Variants in APCDD1 observed in about 807,000 individuals in gnomAD.
APCDD1 encodes the protein APC down-regulated 1.
Under a neutral mutation model 38.1 loss-of-function variants are expected in APCDD1, and 15 were observed. That is an observed-to-expected ratio of 0.39 (90% CI 0.26 to 0.61). The LOEUF (loss-of-function observed/expected upper bound fraction) is 0.61. Among genes scored for constraint, APCDD1 ranks in the 20% least tolerant of loss-of-function variants. The probability of loss-of-function intolerance (pLI) is 0.49; values close to 1 mark genes in which losing one functional copy is unlikely to be tolerated. For synonymous variants in APCDD1, 261 were observed against 279.7 expected (o/e 0.93, Z 0.67); for missense variants, 647 against 696.2 (o/e 0.93, Z 0.79).
In APCDD1 at chr18:10,471,562, C is replaced by G. The variant is rs778044009; in HGVS notation, c.275C>G (p.Thr92Arg). Residue 92 changes from threonine (T) to arginine (R), a missense_variant, in exon 3 of 5, where the codon ACA becomes AGA. Coordinates refer to ENST00000355285, the MANE Select transcript of APCDD1 (RefSeq NM_153000.5). The surrounding 1 kb of genome is among the most constrained non-coding windows in gnomAD (Gnocchi z 5.5). Reference sequence around the variant, plus strand: ...GTAAGGTCAGGCCCAGAGTTCATCACAAGGTCCTACAGATTCTACCACAAT... The same window carrying G: ...GTAAGGTCAGGCCCAGAGTTCATCAGAAGGTCCTACAGATTCTACCACAAT... The part of the protein sequence containing the change: ...CEVRSGPEFI[T>R]RSYRFYHNNT... The G allele has an allele frequency of 3.1e-6, 5 of 1,614,106 alleles. No individual in the cohort carries two copies. The highest frequency in any genetic ancestry group is 4.2e-6 in the Non-Finnish European group (5 of 1,180,052).
Position 10,475,205 on chromosome 18 carries a change from A to G in APCDD1, c.774+3144A>G, listed in dbSNP as rs902912430. The stretch of plus-strand genomic sequence containing the variant: ...AAATGACAATGTCGACTGACCAGGG[A>G]ACATCAAAGTGTTTCATGATGCCTA... On this transcript the variant is annotated intron_variant, in intron 3 of 4. Transcript: ENST00000355285. This position sits in a 1 kb window ranked among gnomAD's most constrained non-coding sequence, Gnocchi z 4.0. Among the ~76,000 whole-genome samples the G allele has an allele frequency of 6.6e-6, 1 of 152,208 alleles. No individual in the cohort carries two copies. Among genetic ancestry groups the G allele is most frequent in the African/African-American group, 2.4e-5 (1 of 41,452 alleles).
intron 1 of APCDD1, among the ~76,000 whole-genome samples, chr18:10,462,591 CTCCT>C (rs565458903): frequency 0.059 from 1,357 of 23,172 alleles, 21 homozygotes; most frequent in African/African-American, 0.088. Context: ...CCTTCCCTCC[CTCCT>C]TCCTTCCTTC....
chr18:10,473,892 T>A (rs2030924856), intron 3 of APCDD1, among the ~76,000 whole-genome samples: 1 of 150,286 alleles, frequency 6.7e-6, no homozygotes, highest in Admixed American at 6.6e-5. Flanking sequence ...TACCTTTGGC[T>A]CGCTCTGAGT....
At chr18:10,464,193 C>T (rs1015232011) in intron 1 of APCDD1, among the ~76,000 whole-genome samples, 1 of 151,986 alleles carries the variant, frequency 6.6e-6, no homozygotes, top group Non-Finnish European at 1.5e-5. Flanking sequence ...AAATGCTAAC[C>T]ACCACTCCCT....
In APCDD1 at chr18:10,471,880, G is replaced by T; in HGVS notation, c.593G>T (p.Cys198Phe). ...TGGCGAGAGGAGAACGGCTGTGAGT[G>T]CACCAAGGCCGTGAACTTTGCCATG... Reference protein sequence around the residue: ...DLWREENGCECTKAVNFAMHE... With the variant: ...DLWREENGCEFTKAVNFAMHE... The change falls in exon 3 of 5, where the codon TGC becomes TTC. Residue 198 changes from cysteine to phenylalanine, a missense_variant. Cys to Phe is a radical substitution (Grantham distance 205). Transcript: ENST00000355285. The surrounding 1 kb of genome is among the most constrained non-coding windows in gnomAD (Gnocchi z 5.5). 6.2e-7 allele frequency: 1 copy of T among 1,614,194 alleles called. No homozygotes were observed. The highest frequency in any genetic ancestry group is 8.5e-7 in the Non-Finnish European group (1 of 1,180,044).
chr18:10,478,216 T>C (rs2031051956), intron 3 of APCDD1, among the ~76,000 whole-genome samples: 1 of 152,220 alleles, frequency 6.6e-6, no homozygotes, highest in South Asian at 2.1e-4. Context: ...CCAGGCCCCT[T>C]CCTGGACAGT....
Position 10,485,415 on chromosome 18 carries a change from C to T in APCDD1, c.775-47C>T. ...TGCCGGAAGCATGTGTGCACTGCTCCCTTGGGAAGATAGAGGCCTCTGAAT... is the reference window on the plus strand; with the variant it reads ...TGCCGGAAGCATGTGTGCACTGCTCTCTTGGGAAGATAGAGGCCTCTGAAT... On this transcript the variant is annotated intron_variant, in intron 3 of 4. Transcript: ENST00000355285. This position sits in a 1 kb window ranked among gnomAD's most constrained non-coding sequence, Gnocchi z 5.8. 6.2e-7 allele frequency: 1 copy of T among 1,606,802 alleles called. No homozygotes were observed. Among genetic ancestry groups the T allele is most frequent in the African/African-American group, 1.3e-5 (1 of 74,964 alleles).
rs593078 is a variant in APCDD1, at chr18:10,489,016, A to G, written c.*978A>G. 72,371 of 152,192 alleles carry G rather than the reference A, an allele frequency of 0.48. 17,782 individuals carry two copies. Among genetic ancestry groups the G allele is most frequent in the East Asian group, 0.65 (3,379 of 5,174 alleles). The allele number at this position is 152,192 out of a possible 1,614,324, so 9.4% of individuals were successfully genotyped here. ...ATGCCACCTTCTAAGATGAACATGC[A>G]GAGACAGAACTTCAGCTGCTCAGAG... On this transcript the variant is annotated 3_prime_UTR_variant, in exon 5 of 5. Transcript: ENST00000355285.
chr18:10,487,604 G>A lies in APCDD1; in HGVS notation c.1111G>A (p.Val371Ile). 2 of 1,614,080 alleles carry A rather than the reference G, an allele frequency of 1.2e-6. No individual in the cohort carries two copies. The highest frequency in any genetic ancestry group is 1.7e-6 in the Non-Finnish European group (2 of 1,180,052). ...EFVFKVNHMK[V>I]TPMDAATASL... ...CTCCTTTGCAGTGAATCACATGAAG[G>A]TCACCCCCATGGATGCGGCCACAGC... is the stretch of plus-strand genomic sequence containing the variant. Residue 371 changes from valine to isoleucine, a missense_variant, in exon 5 of 5, where the codon GTC (valine) becomes ATC (isoleucine). Transcript: ENST00000355285.
intron 1 of APCDD1, among the ~76,000 whole-genome samples, chr18:10,465,727 CAG>C (rs1481165548): frequency 6.6e-6 from 1 of 152,192 alleles, no homozygotes; most frequent in Non-Finnish European, 1.5e-5. Flanking sequence ...ACAGAAATGT[CAG>C]TGCCATCGGA....
At chr18:10,457,845 T>C (rs1341451488) in intron 1 of APCDD1, among the ~76,000 whole-genome samples, 1 of 152,190 alleles carries the variant, frequency 6.6e-6, no homozygotes, top group East Asian at 1.9e-4. Context: ...TGGCAAGACT[T>C]GAGCCTGTTG....
At chr18:10,463,617 G>T (rs867485139) in intron 1 of APCDD1, among the ~76,000 whole-genome samples, 2 of 152,176 alleles carry the variant, frequency 1.3e-5, no homozygotes, top group Non-Finnish European at 2.9e-5. Flanking sequence ...TTTAACAGAA[G>T]TAGTACTCAC....
chr18:10,484,953 G>T (rs192009302), intron 3 of APCDD1, among the ~76,000 whole-genome samples: 1 of 152,228 alleles, frequency 6.6e-6, no homozygotes, highest in East Asian at 1.9e-4. Context: ...GAGATTGCTG[G>T]GTCATATGGT....
At position 10,487,822 on chromosome 18, in the gene APCDD1, C is replaced by A. The variant is rs551321118; in HGVS notation, c.1329C>A (p.Pro443=). The change falls in exon 5 of 5, where the codon CCC becomes CCA. Residue 443 remains proline (P), a synonymous_variant. Transcript: ENST00000355285. ...ATCTGCTGTTCAACGGTCAGAGGCC[C>A]AGCGACGGGTCCAGCCCAGACAGGC... is the stretch of plus-strand genomic sequence containing the variant. ...GRYLLFNGQR[P]SDGSSPDRPE... 6.2e-6 allele frequency: 10 copies of A among 1,614,068 alleles called. No individual in the cohort carries two copies. Among genetic ancestry groups the A allele is most frequent in the Admixed American group, 5.0e-5 (3 of 60,028 alleles).
At position 10,475,080 on chromosome 18, in the gene APCDD1, A is replaced by G. The variant is rs938239840; in HGVS notation, c.774+3019A>G. On this transcript the variant is annotated intron_variant, in intron 3 of 4. Coordinates refer to ENST00000355285, the MANE Select transcript of APCDD1 (RefSeq NM_153000.5). This position sits in a 1 kb window ranked among gnomAD's most constrained non-coding sequence, Gnocchi z 4.0. ...ATAAGAATCAATAGGGTTAATGTGC[A>G]GAATCCTGTGGGCATCAGGATAGGG... Among the ~76,000 whole-genome samples, 2 of 152,220 alleles carry G rather than the reference A, an allele frequency of 1.3e-5. No individual in the cohort carries two copies. Among genetic ancestry groups the G allele is most frequent in the African/African-American group, 4.8e-5 (2 of 41,458 alleles).
At chr18:10,487,405 T>C (rs2031270992) in intron 4 of APCDD1, among the ~76,000 whole-genome samples, 185 bp from the exon 5 acceptor site, 1 of 152,132 alleles carries the variant, frequency 6.6e-6, no homozygotes, top group African/African-American at 2.4e-5. Context: ...GATCAACAGG[T>C]TGAACTCTTC....
In APCDD1 at chr18:10,468,598, C is replaced by G; in HGVS notation, c.188C>G (p.Ala63Gly). Residue 63 changes from alanine to glycine, a missense_variant, in exon 2 of 5, where the codon GCA becomes GGA. By Grantham distance (60) the Ala-to-Gly change is moderately conservative (BLOSUM62 0). Transcript: ENST00000355285. ...HHMLKHLHNG[A>G]RITVQMPPTI... is the part of the protein sequence containing the mutation. ...ATGCTCAAACATCTCCACAATGGTG[C>G]AAGGATCACAGTGCAGATGCCACCT... 6.2e-7 allele frequency: 1 copy of G among 1,614,064 alleles called. No individual in the cohort carries two copies. The highest frequency in any genetic ancestry group is 2.2e-5 in the East Asian group (1 of 44,888).
intron 3 of APCDD1, among the ~76,000 whole-genome samples, chr18:10,482,397 G>A (rs544485391): frequency 2.0e-5 from 3 of 152,328 alleles, no homozygotes; most frequent in South Asian, 2.1e-4. Context: ...CTGCCCAGGC[G>A]GAGGGGGTAG....
Position 10,485,439 on chromosome 18 carries a change from A to G in APCDD1, c.775-23A>G. 2 of 1,612,960 alleles carry G rather than the reference A, an allele frequency of 1.2e-6. No homozygotes were observed. Among genetic ancestry groups the G allele is most frequent in the Non-Finnish European group, 1.7e-6 (2 of 1,179,912 alleles). ...CCCTTGGGAAGATAGAGGCCTCTGA[A>G]TGTGTTTGTTTCTTGGCTTCAGAAC... On this transcript the variant is annotated intron_variant, in intron 3 of 4. Coordinates refer to ENST00000355285, the MANE Select transcript of APCDD1 (RefSeq NM_153000.5). This position sits in a 1 kb window ranked among gnomAD's most constrained non-coding sequence, Gnocchi z 5.8.
Sources: gnomAD v4.1 joint callset for allele counts (sites outside exome capture counted in the v4.1 genomes callset) on GRCh38, gnomAD v4.1.1 for gene constraint, Gnocchi (gnomAD v3.1) non-coding constraint, MANE v1.5 for transcripts, NCBI Gene and HGNC (gene_info 2026-07-23, HGNC 2026-07-21) for gene names.